DIAPH2: variants seen among roughly 807,000 people sequenced by gnomAD.
DIAPH2 encodes protein diaphanous homolog 2.
In DIAPH2, 35 loss-of-function variants were observed where a neutral mutation model predicts 92.7. That is an observed-to-expected ratio of 0.38 (90% CI 0.29 to 0.50). The LOEUF (loss-of-function observed/expected upper bound fraction) is 0.50, where lower values mean the gene tolerates loss of function less well. DIAPH2 is among the 20% of genes least tolerant of loss of function. The pLI is 0.94. For missense variants in DIAPH2, 701 were observed against 819.5 expected (o/e 0.86, Z 1.77); for synonymous variants, 301 against 280.4 (o/e 1.07, Z -0.73).
chrX:97,316,468 C>T (rs1362309059), intron 23 of DIAPH2, among the ~76,000 whole-genome samples: 1 of 92,029 alleles, frequency 1.1e-5, no homozygotes, highest in Non-Finnish European at 2.1e-5. Context: ...GGTGAAACCC[C>T]GTCTCTACTA....
chrX:97,280,670 T>A (rs778685288), intron 23 of DIAPH2, among the ~76,000 whole-genome samples: 1 of 111,209 alleles, frequency 9.0e-6, no homozygotes, highest in East Asian at 2.8e-4. Context: ...TATTACACTG[T>A]TTCTCCTCTT....
intron 4 of DIAPH2, among the ~76,000 whole-genome samples, chrX:96,854,579 C>A (rs2065025053): frequency 6.6e-5 from 4 of 60,458 alleles, no homozygotes; most frequent in South Asian, 2.1e-3. Flanking sequence ...TATAAAAAAC[C>A]AAGACTCTCT....
intron 23 of DIAPH2, among the ~76,000 whole-genome samples, chrX:97,292,222 C>T (rs781657916): frequency 9.1e-6 from 1 of 110,113 alleles, no homozygotes; most frequent in Non-Finnish European, 1.9e-5. Flanking sequence ...TTTGTAGAAA[C>T]AGGGTCTTGC....
chrX:97,246,902 T>C (rs908819064), intron 22 of DIAPH2, among the ~76,000 whole-genome samples: 2 of 111,899 alleles, frequency 1.8e-5, no homozygotes, highest in Non-Finnish European at 3.8e-5. Context: ...AGTGTTTTCA[T>C]ACATAATTGG....
At chrX:97,519,199 C>A (rs1209612904) in intron 26 of DIAPH2, among the ~76,000 whole-genome samples, 1 of 111,535 alleles carries the variant, frequency 9.0e-6, no homozygotes, top group Non-Finnish European at 1.9e-5. Flanking sequence ...TTCAGATATG[C>A]CCCTATTTAA....
At chrX:96,816,377 C>T (rs1190563456) in intron 4 of DIAPH2, among the ~76,000 whole-genome samples, 2 of 112,093 alleles carry the variant, frequency 1.8e-5, no homozygotes, top group Non-Finnish European at 3.8e-5. Flanking sequence ...GGGTCACCAT[C>T]TTGCTGTTGT....
At chrX:97,477,928 TTG>T (rs2070623609) in intron 26 of DIAPH2, among the ~76,000 whole-genome samples, 1 of 111,401 alleles carries the variant, frequency 9.0e-6, no homozygotes, top group African/African-American at 3.3e-5. Flanking sequence ...TAATGGGTAC[TTG>T]TCCAATTACA....
intron 19 of DIAPH2, 58 bp from the exon 20 acceptor site, chrX:97,099,636 C>A: frequency 1.3e-6 from 1 of 741,268 alleles, no homozygotes; most frequent in Non-Finnish European, 1.9e-6. Flanking sequence ...ATTGTTAATG[C>A]ATGTTTAAAA....
Position 96,943,759 on chromosome X carries a change from G to A in DIAPH2, c.1444+1623G>A, listed in dbSNP as rs1277499114. 1.8e-4 allele frequency among the ~76,000 whole-genome samples: 20 copies of A among 111,204 alleles called. 1 individual carries two copies. The highest frequency in any genetic ancestry group is 3.8e-5 in the Non-Finnish European group (2 of 52,742). On this transcript the variant is annotated intron_variant, in intron 13 of 26. Coordinates refer to ENST00000324765, the MANE Select transcript of DIAPH2 (RefSeq NM_006729.5). ...AGTATTCAACAGACGTTTGTTTTGT[G>A]TACTGTGTACCAGGTACTTATGATT...
At chrX:97,590,958 AACT>A (rs1296157176) in intron 26 of DIAPH2, among the ~76,000 whole-genome samples, 1 of 112,230 alleles carries the variant, frequency 8.9e-6, no homozygotes, top group African/African-American at 3.2e-5. Context: ...TAGTTCTAAT[AACT>A]ACAAGTCCAG....
chrX:96,918,126 A>G (rs1016365413), intron 8 of DIAPH2, among the ~76,000 whole-genome samples: 12 of 111,146 alleles, frequency 1.1e-4, no homozygotes, highest in African/African-American at 3.6e-4. Flanking sequence ...CACAATTCCT[A>G]TATTGTAATG....
intron 18 of DIAPH2, 86 bp downstream of exon 18, chrX:97,073,128 CT>C (rs2066680720): frequency 4.8e-6 from 3 of 623,141 alleles, no homozygotes; most frequent in South Asian, 3.1e-5. Flanking sequence ...AAGTTGTAAC[CT>C]TTTTAAACAG....
intron 23 of DIAPH2, among the ~76,000 whole-genome samples, chrX:97,333,942 A>C (rs1300594599): frequency 9.0e-6 from 1 of 110,591 alleles, no homozygotes; most frequent in Non-Finnish European, 1.9e-5. Context: ...CCCTATGTCC[A>C]ATCTCTCATC....
At chrX:96,925,613 T>C (rs2065575403) in intron 9 of DIAPH2, among the ~76,000 whole-genome samples, 1 of 111,673 alleles carries the variant, frequency 9.0e-6, no homozygotes, top group Non-Finnish European at 1.9e-5. Context: ...TGAAATGCTT[T>C]TCTCAGAAAT....
intron 17 of DIAPH2, among the ~76,000 whole-genome samples, chrX:96,992,162 T>C (rs1053153323): frequency 2.7e-5 from 3 of 111,301 alleles, no homozygotes; most frequent in African/African-American, 9.8e-5. Context: ...ATATCCTTGA[T>C]ATGCATACTG....
chrX:97,193,899 A>G (rs1176940890), intron 22 of DIAPH2, among the ~76,000 whole-genome samples: 1 of 112,081 alleles, frequency 8.9e-6, no homozygotes, highest in Non-Finnish European at 1.9e-5. Flanking sequence ...TTGTCATAAT[A>G]TTATATATTT....
In DIAPH2 at chrX:97,505,909, C is replaced by T. The variant is rs189524011; in HGVS notation, c.3241+76164C>T. The stretch of plus-strand genomic sequence containing the variant: ...AGAGGATTGTTGGGTTGATGTGGCT[C>T]TGTATATTTCCAATTCCCTCCTATT... On this transcript the variant is annotated intron_variant, in intron 26 of 26. Transcript: ENST00000324765. Among the ~76,000 whole-genome samples, 12 of 110,644 alleles carry T rather than the reference C, an allele frequency of 1.1e-4. No homozygotes were observed. The East Asian group carries it at 3.1e-3, about 29-fold the overall frequency.
intron 22 of DIAPH2, among the ~76,000 whole-genome samples, chrX:97,169,174 G>A (rs1259121638): frequency 9.0e-6 from 1 of 111,499 alleles, no homozygotes; most frequent in African/African-American, 3.3e-5. Context: ...GGACAGAACA[G>A]CAAAGCACAA....
At chrX:97,308,746 A>T (rs113612684) in intron 23 of DIAPH2, among the ~76,000 whole-genome samples, 1,464 of 102,796 alleles carry the variant, frequency 0.014, 22 homozygotes, top group African/African-American at 0.049. Flanking sequence ...TCAGCCTCCC[A>T]AGTAGCTGTG....
Sources: allele counts gnomAD v4.1 joint callset (sites outside exome capture counted in the v4.1 genomes callset), GRCh38; gene constraint gnomAD v4.1.1; transcripts MANE v1.5; gene names NCBI Gene and HGNC (gene_info 2026-07-23, HGNC 2026-07-21).